The following KCNH1 variants were observed in gnomAD, a reference collection of about 807,000 sequenced individuals.
The protein encoded by KCNH1 is voltage-gated delayed rectifier potassium channel KCNH1.
Under a neutral mutation model 69.2 loss-of-function variants are expected in KCNH1, and 27 were observed. That is an observed-to-expected ratio of 0.39 (90% CI 0.29 to 0.54). The LOEUF is 0.54. Among genes scored for constraint, KCNH1 ranks in the 20% least tolerant of loss-of-function variants. The pLI, the probability that KCNH1 is intolerant of heterozygous loss-of-function variation, is 0.68. For missense variants in KCNH1, 798 were observed against 1,261.6 expected, an observed-to-expected ratio of 0.63 and a Z score of 5.57; for synonymous variants, 456 against 487.7, an observed-to-expected ratio of 0.93 and a Z score of 0.86.
intron 2 of KCNH1, among the ~76,000 whole-genome samples, chr1:211,107,043 G>A (rs975992381): frequency 6.6e-6 from 1 of 152,060 alleles, no homozygotes; most frequent in African/African-American, 2.4e-5. Context: ...CCATCTTAGT[G>A]ACTGCAAGTT....
intron 9 of KCNH1, among the ~76,000 whole-genome samples, chr1:210,782,747 A>C (rs1684012810): frequency 6.6e-6 from 1 of 152,046 alleles, no homozygotes; most frequent in African/African-American, 2.4e-5. Flanking sequence ...GAAAGAAAGA[A>C]AAAAAGATTA....
intron 7 of KCNH1, among the ~76,000 whole-genome samples, chr1:210,908,007 G>A (rs984317246): frequency 3.9e-5 from 6 of 152,162 alleles, no homozygotes; most frequent in Admixed American, 2.0e-4. Context: ...ATGAGGAGAC[G>A]CATTTGGATA....
chr1:210,727,386 A>T (rs1682625174), intron 10 of KCNH1, among the ~76,000 whole-genome samples: 1 of 152,110 alleles, frequency 6.6e-6, no homozygotes, highest in African/African-American at 2.4e-5. Context: ...TTTGATAGCG[A>T]TACAGTCTCC....
intron 10 of KCNH1, among the ~76,000 whole-genome samples, chr1:210,710,412 C>T (rs942754956): frequency 1.1e-4 from 17 of 151,406 alleles, no homozygotes; most frequent in African/African-American, 9.7e-5. Context: ...GATTGATAGA[C>T]GGAAAGAGAG....
intron 7 of KCNH1, among the ~76,000 whole-genome samples, chr1:210,834,918 A>T (rs1040979746): frequency 6.6e-6 from 1 of 151,950 alleles, no homozygotes; most frequent in Non-Finnish European, 1.5e-5. Context: ...TGAGAAATAA[A>T]TTTCTATTGT....
At chr1:210,847,617 T>C (rs949010417) in intron 7 of KCNH1, among the ~76,000 whole-genome samples, 4 of 150,936 alleles carry the variant, frequency 2.7e-5, no homozygotes, top group African/African-American at 4.9e-5. Flanking sequence ...CATTAGGAGA[T>C]ATACCTAATG....
intron 10 of KCNH1, among the ~76,000 whole-genome samples, chr1:210,715,188 ACT>A (rs373769376): frequency 2.0e-5 from 3 of 152,052 alleles, no homozygotes; most frequent in African/African-American, 7.2e-5. Flanking sequence ...GCTTCCACCC[ACT>A]CTGACAGGCT....
At chr1:211,051,980 A>G (rs989471423) in intron 5 of KCNH1, among the ~76,000 whole-genome samples, 7 of 152,194 alleles carry the variant, frequency 4.6e-5, no homozygotes, top group African/African-American at 1.7e-4. Context: ...AAAAGAAAAA[A>G]AAAATGCAGA....
At chr1:210,707,053 ATG>A (rs138929783) in intron 10 of KCNH1, among the ~76,000 whole-genome samples, 2 of 151,836 alleles carry the variant, frequency 1.3e-5, no homozygotes, top group African/African-American at 4.8e-5. Context: ...TGTGAGGGGT[ATG>A]TGTGTGTGTG....
intron 10 of KCNH1, among the ~76,000 whole-genome samples, chr1:210,699,546 T>C (rs1204928341): frequency 6.6e-6 from 1 of 152,180 alleles, no homozygotes; most frequent in African/African-American, 2.4e-5. Context: ...CCACTTGGCA[T>C]GAGCTAAGAA....
chr1:210,802,222 A>T (rs1684443511), intron 8 of KCNH1, among the ~76,000 whole-genome samples: 1 of 152,236 alleles, frequency 6.6e-6, no homozygotes, highest in African/African-American at 2.4e-5. Flanking sequence ...TAGTCAGCAA[A>T]ACCAAAGTAA....
chr1:210,922,164 G>A (rs549267371), intron 6 of KCNH1, among the ~76,000 whole-genome samples: 3 of 151,914 alleles, frequency 2.0e-5, no homozygotes, highest in South Asian at 2.1e-4. Context: ...GGCAGATCAC[G>A]AGGTAAGGAG....
chr1:210,731,631 T>A (rs1328468105), intron 10 of KCNH1, among the ~76,000 whole-genome samples: 1 of 152,196 alleles, frequency 6.6e-6, no homozygotes, highest in Non-Finnish European at 1.5e-5. Flanking sequence ...CCACAAGCCC[T>A]TTGAAAAATA....
intron 7 of KCNH1, among the ~76,000 whole-genome samples, chr1:210,844,590 A>C (rs1685497250): frequency 6.6e-6 from 1 of 152,216 alleles, no homozygotes; most frequent in Non-Finnish European, 1.5e-5. Flanking sequence ...GTGTAGAGGG[A>C]AATTTATAGC....
chr1:210,784,124 G>T (rs372895442), intron 9 of KCNH1, among the ~76,000 whole-genome samples: 123 of 152,326 alleles, frequency 8.1e-4, no homozygotes, highest in Middle Eastern at 3.4e-3. Context: ...AGCGTGCCAG[G>T]TTCAGGTGCC....
At chr1:211,069,857 G>A (rs1239548976) in intron 5 of KCNH1, among the ~76,000 whole-genome samples, 5 of 152,178 alleles carry the variant, frequency 3.3e-5, no homozygotes, top group African/African-American at 9.6e-5. Flanking sequence ...TTTTATAATG[G>A]ATTTGTTTAT....
intron 7 of KCNH1, among the ~76,000 whole-genome samples, chr1:210,840,200 C>T (rs1422824884): frequency 6.6e-6 from 1 of 152,080 alleles, no homozygotes. Context: ...CAGATAATAA[C>T]TCTGGAGCTG....
At chr1:211,008,629 G>C (rs759397107) in intron 6 of KCNH1, among the ~76,000 whole-genome samples, 1 of 152,212 alleles carries the variant, frequency 6.6e-6, no homozygotes. Context: ...AATCTATGGC[G>C]ATAGAAGTCA....
chr1:210,879,997 A>T (rs1454741065), intron 7 of KCNH1, among the ~76,000 whole-genome samples: 2 of 152,080 alleles, frequency 1.3e-5, no homozygotes, highest in Non-Finnish European at 2.9e-5. Context: ...TTACATTAGC[A>T]CCCCTAAAAA....
Sources: gnomAD v4.1 joint callset for allele counts (sites outside exome capture counted in the v4.1 genomes callset) on GRCh38, gnomAD v4.1.1 for gene constraint, MANE v1.5 for transcripts, NCBI Gene and HGNC (gene_info 2026-07-23, HGNC 2026-07-21) for gene names.